The following CPEB1 variants were observed in gnomAD, a reference collection of about 807,000 sequenced individuals.
CPEB1 encodes the protein cytoplasmic polyadenylation element-binding protein 1.
Under a neutral mutation model 65.8 loss-of-function variants are expected in CPEB1, and 7 were observed. That is an observed-to-expected ratio of 0.11 (90% confidence interval 0.06 to 0.20). The LOEUF (loss-of-function observed/expected upper bound fraction) is 0.20. CPEB1 is among the 10% of genes least tolerant of loss of function. The pLI is 1.00. For missense variants in CPEB1, 551 were observed against 712.2 expected (o/e 0.77, Z 2.58); for synonymous variants, 262 against 260.0 (o/e 1.01, Z -0.08).
intron 3 of CPEB1, among the ~76,000 whole-genome samples, chr15:82,584,903 CTTTTTT>C (rs3080692): frequency 4.9e-5 from 4 of 81,742 alleles, no homozygotes; most frequent in South Asian, 4.7e-4. Context: ...TCCTAATTTG[CTTTTTT>C]TTTTTTTTTT....
chr15:82,631,717 C>T (rs1343616827), intron 1 of CPEB1, among the ~76,000 whole-genome samples: 1 of 152,094 alleles, frequency 6.6e-6, no homozygotes, highest in Non-Finnish European at 1.5e-5. Context: ...ACTCCAGGCC[C>T]TTCTATTCCT....
chr15:82,585,353 G>C (rs1304487071), intron 3 of CPEB1, among the ~76,000 whole-genome samples: 3 of 152,340 alleles, frequency 2.0e-5, no homozygotes, highest in East Asian at 1.9e-4. Context: ...CAACAGTTAA[G>C]CTTTCAGCGG....
chr15:82,592,260 A>G lies in CPEB1; in HGVS notation c.272-20728T>C, dbSNP rs181205349. ...CACCTCAAAGTGAATACTACAATAGAGTCACAACCTTTTTGGTTTCCCAGT... is the reference window on the plus strand; with the variant it reads ...CACCTCAAAGTGAATACTACAATAGGGTCACAACCTTTTTGGTTTCCCAGT... On this transcript the variant is annotated intron_variant, in intron 3 of 12. Transcript: ENST00000684509. Among the ~76,000 whole-genome samples, 10 of 152,314 alleles carry G rather than the reference A, an allele frequency of 6.6e-5. No homozygotes were observed. The East Asian group carries it at 1.9e-3, about 29-fold the overall frequency.
intron 11 of CPEB1, 109 bp downstream of exon 11, chr15:82,547,034 C>A: frequency 1.3e-6 from 1 of 752,518 alleles, no homozygotes; most frequent in Non-Finnish European, 2.3e-6. Flanking sequence ...GCTCACTTCC[C>A]TAAACACACC....
intron 3 of CPEB1, among the ~76,000 whole-genome samples, chr15:82,622,444 C>T (rs1031572294): frequency 6.2e-4 from 94 of 152,280 alleles, no homozygotes; most frequent in African/African-American, 2.2e-3. Flanking sequence ...CTCTATCACC[C>T]AGGCTGGAAT....
intron 3 of CPEB1, among the ~76,000 whole-genome samples, chr15:82,624,833 C>T (rs1021298915): frequency 6.7e-6 from 1 of 148,518 alleles, no homozygotes; most frequent in Admixed American, 6.7e-5. Flanking sequence ...GAGTGTCATA[C>T]TTTTTTTTTT....
At chr15:82,642,655 C>T (rs1372770531) in intron 1 of CPEB1, among the ~76,000 whole-genome samples, 1 of 152,172 alleles carries the variant, frequency 6.6e-6, no homozygotes, top group Non-Finnish European at 1.5e-5. Flanking sequence ...TCTTACATAA[C>T]CCCCTCTACC....
intron 3 of CPEB1, among the ~76,000 whole-genome samples, chr15:82,605,565 A>G (rs74980302): frequency 0.031 from 4,767 of 152,292 alleles, 104 homozygotes; most frequent in Non-Finnish European, 0.047. Context: ...CCACAAAAAT[A>G]TAAGTATGTG....
At chr15:82,556,186 T>C (rs2150970889) in intron 5 of CPEB1, 64 bp from the exon 6 acceptor site, 6 of 1,451,276 alleles carry the variant, frequency 4.1e-6, no homozygotes, top group Non-Finnish European at 5.5e-6. Flanking sequence ...AATAATCACA[T>C]TATAGAAATT....
At chr15:82,548,056 G>T (rs1332500132) in intron 10 of CPEB1, among the ~76,000 whole-genome samples, 1 of 152,100 alleles carries the variant, frequency 6.6e-6, no homozygotes. Flanking sequence ...TATTTTATTG[G>T]CCGGGCACGG....
chr15:82,581,708 T>C (rs1259925578), intron 3 of CPEB1, among the ~76,000 whole-genome samples: 1 of 152,226 alleles, frequency 6.6e-6, no homozygotes, highest in Non-Finnish European at 1.5e-5. Flanking sequence ...TGTTTGAAGA[T>C]TGCTGTTGCC....
chr15:82,624,832 AC>A (rs1205602642), intron 3 of CPEB1, among the ~76,000 whole-genome samples: 3 of 110,464 alleles, frequency 2.7e-5, no homozygotes, highest in African/African-American at 1.4e-4. Context: ...TGAGTGTCAT[AC>A]TTTTTTTTTT....
intron 3 of CPEB1, among the ~76,000 whole-genome samples, chr15:82,609,109 A>G (rs887240005): frequency 6.6e-6 from 1 of 152,228 alleles, no homozygotes; most frequent in Non-Finnish European, 1.5e-5. Flanking sequence ...AGAAGAAATC[A>G]CAGGGCAATG....
chr15:82,557,220 T>G (rs2150976038), intron 5 of CPEB1, among the ~76,000 whole-genome samples: 1 of 152,304 alleles, frequency 6.6e-6, no homozygotes, highest in South Asian at 2.1e-4. Context: ...ATGCAAAAAT[T>G]AACTGAGGCA....
At chr15:82,609,080 C>G (rs148701619) in intron 3 of CPEB1, among the ~76,000 whole-genome samples, 1 of 152,314 alleles carries the variant, frequency 6.6e-6, no homozygotes, top group East Asian at 1.9e-4. Flanking sequence ...AAACAACATA[C>G]TCTTCATCAA....
At chr15:82,597,621 AAGG>A (rs1204145250) in intron 3 of CPEB1, among the ~76,000 whole-genome samples, 2 of 152,358 alleles carry the variant, frequency 1.3e-5, no homozygotes, top group East Asian at 3.9e-4. Context: ...ATGCTTGGGA[AAGG>A]AGGAGAGACA....
chr15:82,596,045 T>C (rs78401027), intron 3 of CPEB1, among the ~76,000 whole-genome samples: 2,826 of 152,240 alleles, frequency 0.019, 88 homozygotes, highest in African/African-American at 0.064. Context: ...ATAGAACACA[T>C]GACCTACTTT....
At chr15:82,587,822 T>C (rs886423980) in intron 3 of CPEB1, among the ~76,000 whole-genome samples, 5 of 152,222 alleles carry the variant, frequency 3.3e-5, no homozygotes, top group African/African-American at 7.2e-5. Context: ...TCTGGTCATA[T>C]GTTTTAAGAG....
chr15:82,622,601 A>C (rs1567228835), intron 3 of CPEB1, among the ~76,000 whole-genome samples: 1 of 152,138 alleles, frequency 6.6e-6, no homozygotes, highest in Non-Finnish European at 1.5e-5. Context: ...CATGTTGGTC[A>C]GGCTGGTCTC....
Sources: allele counts gnomAD v4.1 joint callset (sites outside exome capture counted in the v4.1 genomes callset), GRCh38; gene constraint gnomAD v4.1.1; transcripts MANE v1.5; gene names NCBI Gene and HGNC (gene_info 2026-07-23, HGNC 2026-07-21).